The following SREBF2 variants were observed in gnomAD, a reference collection of about 807,000 sequenced individuals.
The protein encoded by SREBF2 is sterol regulatory element-binding protein 2.
In SREBF2, 55 loss-of-function variants were observed where a neutral mutation model predicts 113.1. The observed-to-expected ratio is 0.49, with a 90% CI of 0.39 to 0.61. SREBF2 has a LOEUF of 0.61. Ranked by LOEUF, SREBF2 falls within the 20% of genes least tolerant of loss-of-function variation. The pLI, the probability that SREBF2 is intolerant of heterozygous loss-of-function variation, is 0.00. For missense variants in SREBF2, 1,349 were observed against 1,487.4 expected, an observed-to-expected ratio of 0.91 and a Z score of 1.53; for synonymous variants, 593 against 605.7, an observed-to-expected ratio of 0.98 and a Z score of 0.31.
At chr22:41,870,013 G>A (rs370409390) in intron 3 of SREBF2, among the ~76,000 whole-genome samples, 2 of 151,826 alleles carry the variant, frequency 1.3e-5, no homozygotes, top group Non-Finnish European at 2.9e-5. Context: ...GCGCCATCAC[G>A]CCCAGCTAAT....
At chr22:41,892,668 AT>A (rs958667629) in intron 11 of SREBF2, among the ~76,000 whole-genome samples, 7 of 150,662 alleles carry the variant, frequency 4.6e-5, no homozygotes, top group Non-Finnish European at 7.4e-5. Context: ...AAAAAAAAAA[AT>A]GACATGATAA....
At chr22:41,893,004 T>C (rs1221144433) in intron 11 of SREBF2, 113 bp from the exon 12 acceptor site, 3 of 1,328,920 alleles carry the variant, frequency 2.3e-6, no homozygotes, top group Non-Finnish European at 2.1e-6. Context: ...TGTGCTGATC[T>C]TTCCCAGTCT....
chr22:41,868,039 T>C (rs983537858), intron 2 of SREBF2, among the ~76,000 whole-genome samples: 6 of 152,190 alleles, frequency 3.9e-5, no homozygotes, highest in Non-Finnish European at 8.8e-5. Flanking sequence ...GCCCTTAGTA[T>C]GTGTTGAGGG....
chr22:41,890,673 T>A (rs1018211009), intron 11 of SREBF2, among the ~76,000 whole-genome samples: 58 of 99,432 alleles, frequency 5.8e-4, no homozygotes, highest in African/African-American at 8.8e-4. Context: ...TAAAAAAAAA[T>A]TTTTTTTTTT....
chr22:41,902,835 C>T, intron 16 of SREBF2, 135 bp from the exon 17 acceptor site: 2 of 998,328 alleles, frequency 2.0e-6, no homozygotes, highest in Non-Finnish European at 3.1e-6. Flanking sequence ...GCGGAGTTCA[C>T]CAGACTCTGG....
chr22:41,870,570 G>C (rs1223644077), intron 3 of SREBF2, among the ~76,000 whole-genome samples: 1 of 143,754 alleles, frequency 7.0e-6, no homozygotes, highest in Non-Finnish European at 1.5e-5. Context: ...AGGCTGCAGT[G>C]AGCTGAGATT....
At chr22:41,882,974 G>A (rs1415300855) in intron 10 of SREBF2, among the ~76,000 whole-genome samples, 1 of 152,186 alleles carries the variant, frequency 6.6e-6, no homozygotes, top group Non-Finnish European at 1.5e-5. Flanking sequence ...GGTTTTTGTG[G>A]TGTGTGTCTG....
chr22:41,906,209 G>A lies in SREBF2; in HGVS notation c.*549G>A, dbSNP rs977956858. On this transcript the variant is annotated 3_prime_UTR_variant, in exon 19 of 19. Transcript: ENST00000361204. ...TGCGTTCCCTCCCCTGGGCCTGACTGAGCCTGCTCATTGTTTTTCCCTTTA... is the reference window on the plus strand; with the variant it reads ...TGCGTTCCCTCCCCTGGGCCTGACTAAGCCTGCTCATTGTTTTTCCCTTTA... 2.0e-5 allele frequency: 7 copies of A among 346,230 alleles called. No individual in the cohort carries two copies. Among genetic ancestry groups the A allele is most frequent in the Non-Finnish European group, 3.4e-5 (6 of 177,536 alleles). The allele number at this position is 346,230 out of a possible 1,614,324, so 21.4% of individuals were successfully genotyped here. A position where few individuals can be genotyped will look rare whatever the true frequency, so the allele number is the denominator to read the frequency against.
At chr22:41,841,524 A>G (rs926199916) in intron 1 of SREBF2, among the ~76,000 whole-genome samples, 1 of 152,174 alleles carries the variant, frequency 6.6e-6, no homozygotes, top group Non-Finnish European at 1.5e-5. Flanking sequence ...CATTCCCCAC[A>G]TTCACACCCA....
At chr22:41,896,021 G>C (rs1293612419) in intron 13 of SREBF2, among the ~76,000 whole-genome samples, 1 of 151,956 alleles carries the variant, frequency 6.6e-6, no homozygotes, top group African/African-American at 2.4e-5. Context: ...GGCGCCTGTG[G>C]TCCCAGCTAT....
At chr22:41,858,800 T>TA (rs1161246414) in intron 1 of SREBF2, among the ~76,000 whole-genome samples, 1 of 151,576 alleles carries the variant, frequency 6.6e-6, no homozygotes, top group African/African-American at 2.4e-5. Flanking sequence ...ATCACAACAA[T>TA]AAAAAATCTC....
intron 1 of SREBF2, among the ~76,000 whole-genome samples, chr22:41,845,844 A>T (rs2148346561): frequency 6.6e-6 from 1 of 152,366 alleles, no homozygotes; most frequent in Middle Eastern, 3.4e-3. Context: ...CTCAAACTTG[A>T]ATGTGTCTAT....
intron 11 of SREBF2, among the ~76,000 whole-genome samples, chr22:41,891,739 CCCCTGGGCT>C (rs1198526429): frequency 6.6e-6 from 1 of 152,200 alleles, no homozygotes; most frequent in African/African-American, 2.4e-5. Context: ...GGCAGCCCCG[CCCCTGGGCT>C]CCCTGGGCTT....
intron 1 of SREBF2, among the ~76,000 whole-genome samples, chr22:41,846,577 C>G (rs1231954550): frequency 6.6e-6 from 1 of 152,222 alleles, no homozygotes; most frequent in Non-Finnish European, 1.5e-5. Flanking sequence ...GAAATAAAAG[C>G]AGTTTCTGCC....
In SREBF2 at chr22:41,868,713, A is replaced by C; in HGVS notation, c.641A>C (p.Gln214Pro). The change falls in exon 3 of 19, where the codon CAA (glutamine) becomes CCA (proline). Residue 214 changes from glutamine (Q) to proline (P), a missense_variant. Physicochemically the swap from Gln to Pro is moderately conservative, Grantham distance 76. Transcript: ENST00000361204. The part of the protein sequence containing the change: ...QTVQAQRVLT[Q>P]TANGTLQTLA... ...GTACAGGCCCAGCGGGTGCTGACAC[A>C]AACGGCCAATGGCACGCTGCAGACC... 6.2e-7 allele frequency: 1 copy of C among 1,614,190 alleles called. No homozygotes were observed. The highest frequency in any genetic ancestry group is 1.3e-5 in the African/African-American group (1 of 75,040).
intron 1 of SREBF2, among the ~76,000 whole-genome samples, chr22:41,861,307 C>A (rs963104714): frequency 6.6e-6 from 1 of 151,798 alleles, no homozygotes; most frequent in Non-Finnish European, 1.5e-5. Context: ...TGTGGTGAAA[C>A]CCCCTCTCTA....
In SREBF2 at chr22:41,833,488, G is replaced by T. The variant is rs902822165; in HGVS notation, c.88+130G>T. The T allele has an allele frequency of 1.1e-5, 8 of 720,314 alleles. No homozygotes were observed. The highest frequency in any genetic ancestry group is 1.7e-5 in the Non-Finnish European group (8 of 462,002). 44.6% of individuals were successfully genotyped at this position (720,314 alleles called of 1,614,324 possible). ...GCGGGAAGAACCCCGTGCGCACGGT[G>T]CCCCCGGCGGTCCTCAACCCTTCCG... On this transcript the variant is annotated intron_variant, in intron 1 of 18. Transcript: ENST00000361204. The surrounding 1 kb of genome is among the most constrained non-coding windows in gnomAD (Gnocchi z 4.1).
rs61182132 is a variant in SREBF2, at chr22:41,900,580, C to G, written c.2907+82C>G. On this transcript the variant is annotated intron_variant, in intron 16 of 18. Transcript: ENST00000361204. ...CACTCCCACTCACCTCATGCTGACCCTGCGGGTGGGGCCATCCGAAAGACA... is the reference window on the plus strand; with the variant it reads ...CACTCCCACTCACCTCATGCTGACCGTGCGGGTGGGGCCATCCGAAAGACA... 4,273 of 1,446,162 alleles carry G rather than the reference C, an allele frequency of 3.0e-3. 89 individuals carry two copies. The African/African-American group carries it at 0.047, about 16-fold the overall frequency. 89.6% of individuals were successfully genotyped at this position (1,446,162 alleles called of 1,614,324 possible).
intron 1 of SREBF2, among the ~76,000 whole-genome samples, chr22:41,863,103 C>T (rs1467565291): frequency 6.6e-6 from 1 of 152,192 alleles, no homozygotes; most frequent in Non-Finnish European, 1.5e-5. Flanking sequence ...CCAACATTGA[C>T]CTGCATAAGG....
Sources: gnomAD v4.1 joint callset for allele counts (sites outside exome capture counted in the v4.1 genomes callset) on GRCh38, gnomAD v4.1.1 for gene constraint, Gnocchi (gnomAD v3.1) non-coding constraint, MANE v1.5 for transcripts, NCBI Gene and HGNC (gene_info 2026-07-23, HGNC 2026-07-21) for gene names.